IL1RAPL2: variants seen among roughly 807,000 people sequenced by gnomAD.
The protein encoded by IL1RAPL2 is interleukin 1 receptor accessory protein like 2, also known as X-linked interleukin-1 receptor accessory protein-like 2.
IL1RAPL2 carries 3 observed loss-of-function variants against 44.1 expected under a neutral mutation model. The ratio of observed to expected loss-of-function variants is 0.07; its 90% CI spans 0.03 to 0.18. The LOEUF is 0.18. Ranked by LOEUF, IL1RAPL2 falls within the 10% of genes least tolerant of loss-of-function variation. The probability of loss-of-function intolerance (pLI) is 1.00; values close to 1 mark genes in which losing one functional copy is unlikely to be tolerated. For synonymous variants in IL1RAPL2, 181 were observed against 178.8 expected (o/e 1.01, Z -0.10); for missense variants, 391 against 496.4 (o/e 0.79, Z 2.02).
intron 6 of IL1RAPL2, among the ~76,000 whole-genome samples, chrX:105,497,699 G>A (rs190256872): frequency 3.7e-4 from 41 of 111,463 alleles, no homozygotes; most frequent in African/African-American, 1.3e-3. Context: ...AACTGAATTC[G>A]ACACCACATT....
chrX:105,472,232 A>C (rs2036169992), intron 5 of IL1RAPL2, among the ~76,000 whole-genome samples: 1 of 111,960 alleles, frequency 8.9e-6, no homozygotes, highest in Non-Finnish European at 1.9e-5. Flanking sequence ...GAGGGTCAGG[A>C]TATCCTTTGA....
In IL1RAPL2 at chrX:104,626,296, A is replaced by ATGTG. The variant is rs1296598341; in HGVS notation, c.-19-32597_-19-32596insTGTG. 4.1e-5 allele frequency among the ~76,000 whole-genome samples: 3 copies of ATGTG among 72,302 alleles called. No homozygotes were observed. The East Asian group carries it at 1.6e-3, about 37-fold the overall frequency. The allele number at this position is 72,302 out of a possible 115,157, so 62.8% of individuals were successfully genotyped here. A position where few individuals can be genotyped will look rare whatever the true frequency, so the allele number is the denominator to read the frequency against. Reference sequence around the variant, plus strand: ...GAGATATCTGGGTTGTGACTGTCTCATGCGTGTGTGTGTGTGCGTGTGTGT... The same window carrying ATGTG: ...GAGATATCTGGGTTGTGACTGTCTCATGTGTGCGTGTGTGTGTGTGCGTGTGTGT... On this transcript the variant is annotated intron_variant, in intron 1 of 10. Coordinates refer to ENST00000372582, the MANE Select transcript of IL1RAPL2 (RefSeq NM_017416.2).
intron 2 of IL1RAPL2, among the ~76,000 whole-genome samples, chrX:104,941,958 T>C (rs1347262345): frequency 8.9e-6 from 1 of 111,882 alleles, no homozygotes; most frequent in Non-Finnish European, 1.9e-5. Flanking sequence ...AAATAGGGAA[T>C]CCTTTCCCCA....
chrX:105,519,622 C>A (rs756137724), intron 6 of IL1RAPL2, among the ~76,000 whole-genome samples: 6 of 110,897 alleles, frequency 5.4e-5, no homozygotes, highest in Admixed American at 9.6e-5. Context: ...CTGTAATGAG[C>A]AATGAAACCA....
intron 6 of IL1RAPL2, among the ~76,000 whole-genome samples, chrX:105,656,564 A>G (rs5916940): frequency 0.33 from 36,310 of 110,910 alleles, 4,466 homozygotes; most frequent in Middle Eastern, 0.39. Context: ...TGTATTGTCC[A>G]GTAGTTGTAT....
intron 6 of IL1RAPL2, among the ~76,000 whole-genome samples, chrX:105,603,527 A>G (rs2037269716): frequency 9.0e-6 from 1 of 111,627 alleles, no homozygotes; most frequent in Non-Finnish European, 1.9e-5. Context: ...GAGCACCCAG[A>G]TATCAAAAGC....
chrX:104,974,087 A>G (rs887340287), intron 2 of IL1RAPL2, among the ~76,000 whole-genome samples: 3 of 111,538 alleles, frequency 2.7e-5, no homozygotes, highest in African/African-American at 9.8e-5. Flanking sequence ...TGAACTACCC[A>G]CCATACATTG....
chrX:104,801,827 T>G (rs1932886878), intron 2 of IL1RAPL2, among the ~76,000 whole-genome samples: 1 of 111,792 alleles, frequency 8.9e-6, no homozygotes, highest in South Asian at 3.7e-4. Context: ...CACTCCTATA[T>G]AGGGCATTAA....
intron 6 of IL1RAPL2, among the ~76,000 whole-genome samples, chrX:105,520,626 A>T (rs1466939442): frequency 9.0e-6 from 1 of 111,383 alleles, no homozygotes; most frequent in Non-Finnish European, 1.9e-5. Flanking sequence ...AATTTCAAAA[A>T]TTCTTCATTT....
At chrX:105,374,216 C>T in intron 5 of IL1RAPL2, among the ~76,000 whole-genome samples, 1 of 110,258 alleles carries the variant, frequency 9.1e-6, no homozygotes. Flanking sequence ...GTACTAGTAC[C>T]ATGCTGTTTT....
At chrX:105,078,581 A>T (rs911216864) in intron 2 of IL1RAPL2, among the ~76,000 whole-genome samples, 2 of 111,737 alleles carry the variant, frequency 1.8e-5, no homozygotes, top group Non-Finnish European at 3.8e-5. Context: ...GACATTTAAG[A>T]CTGCAGACGT....
At chrX:104,810,116 G>T (rs1383882185) in intron 2 of IL1RAPL2, among the ~76,000 whole-genome samples, 3 of 109,878 alleles carry the variant, frequency 2.7e-5, no homozygotes, top group African/African-American at 9.9e-5. Flanking sequence ...CCTTTGTAGG[G>T]ACATGGATGA....
chrX:105,682,239 TGA>T (rs906594939), intron 6 of IL1RAPL2, among the ~76,000 whole-genome samples: 1 of 111,987 alleles, frequency 8.9e-6, no homozygotes, highest in African/African-American at 3.2e-5. Context: ...GAAAAAATCT[TGA>T]GATATATAAG....
intron 2 of IL1RAPL2, among the ~76,000 whole-genome samples, chrX:104,900,470 T>C (rs900104876): frequency 2.7e-5 from 3 of 111,347 alleles, no homozygotes; most frequent in African/African-American, 9.8e-5. Context: ...TGGTCAACTA[T>C]TACTGCAACA....
At chrX:105,702,500 C>A in intron 6 of IL1RAPL2, among the ~76,000 whole-genome samples, 1 of 111,852 alleles carries the variant, frequency 8.9e-6, no homozygotes. Flanking sequence ...GAGCTAGCTC[C>A]CCTTGCAATA....
intron 2 of IL1RAPL2, among the ~76,000 whole-genome samples, chrX:104,869,449 C>T (rs1173320156): frequency 9.0e-6 from 1 of 111,713 alleles, no homozygotes; most frequent in African/African-American, 3.2e-5. Flanking sequence ...TTAATAAAAA[C>T]TTCTTCCTTT....
chrX:105,498,228 A>C (rs1272528187), intron 6 of IL1RAPL2, among the ~76,000 whole-genome samples: 5 of 112,295 alleles, frequency 4.5e-5, no homozygotes, highest in Non-Finnish European at 9.4e-5. Flanking sequence ...TTCAAAGATC[A>C]TATGCATCTT....
At chrX:105,472,147 A>G (rs2147770928) in intron 5 of IL1RAPL2, among the ~76,000 whole-genome samples, 1 of 111,496 alleles carries the variant, frequency 9.0e-6, no homozygotes, top group African/African-American at 3.3e-5. Flanking sequence ...CCAGTACAGA[A>G]AACACTATGG....
intron 2 of IL1RAPL2, among the ~76,000 whole-genome samples, chrX:104,671,577 T>C (rs1003689499): frequency 2.7e-5 from 3 of 111,912 alleles, no homozygotes; most frequent in African/African-American, 9.8e-5. Flanking sequence ...GAACTGGTCA[T>C]ATTGTGATTT....
Sources: allele counts gnomAD v4.1 joint callset (sites outside exome capture counted in the v4.1 genomes callset), GRCh38; gene constraint gnomAD v4.1.1; transcripts MANE v1.5; gene names NCBI Gene and HGNC (gene_info 2026-07-23, HGNC 2026-07-21).